CEP131: variants seen among roughly 807,000 people sequenced by gnomAD.
CEP131 encodes centrosomal protein of 131 kDa.
CEP131 carries 99 observed loss-of-function variants against 136.8 expected under a neutral mutation model. That is an observed-to-expected ratio of 0.72 (90% CI 0.62 to 0.86). The LOEUF (loss-of-function observed/expected upper bound fraction) is 0.86. Among genes scored for constraint, CEP131 ranks in the 40% least tolerant of loss-of-function variants. CEP131 has a pLI of 0.00. For missense variants in CEP131, 1,459 were observed against 1,463.0 expected (o/e 1.00, Z 0.04); for synonymous variants, 646 against 612.7 (o/e 1.05, Z -0.80).
chr17:81,202,447 C>T, intron 6 of CEP131, 49 bp from the exon 7 acceptor site: 1 of 1,580,692 alleles, frequency 6.3e-7, no homozygotes, highest in Non-Finnish European at 8.6e-7. Flanking sequence ...AGGGGAACAG[C>T]TCTGCCCACA....
Position 81,195,946 on chromosome 17 carries a change from A to T in CEP131, c.1905T>A (p.Ile635=). The part of the protein sequence containing the change: ...QRHLAFIDQL[I]EDKKVLSEKC... ...TTTCACTCAGGACCTTCTTGTCCTC[A>T]ATCAGCTGTGTTGGGGACCGGAGGT... is the stretch of plus-strand genomic sequence containing the variant. The change falls in exon 16 of 26, where the codon ATT becomes ATA. Residue 635 remains isoleucine, a synonymous_variant. Coordinates refer to ENST00000450824, the MANE Select transcript of CEP131 (RefSeq NM_014984.4). The T allele has an allele frequency of 6.2e-7, 1 of 1,609,032 alleles. No individual in the cohort carries two copies. Among genetic ancestry groups the T allele is most frequent in the African/African-American group, 1.3e-5 (1 of 75,038 alleles).
chr17:81,219,827 A>G lies in CEP131; in HGVS notation c.177+53T>C. The G allele has an allele frequency of 6.7e-7, 1 of 1,485,300 alleles. No homozygotes were observed. The highest frequency in any genetic ancestry group is 9.0e-7 in the Non-Finnish European group (1 of 1,109,376). 92.0% of individuals were successfully genotyped at this position (1,485,300 alleles called of 1,614,324 possible). ...GGACCCAGGGGTCAGATGCCAACTGAACAACAGCCCTCCAGGAGGCAGGGG... is the reference window on the plus strand; with the variant it reads ...GGACCCAGGGGTCAGATGCCAACTGGACAACAGCCCTCCAGGAGGCAGGGG... On this transcript the variant is annotated intron_variant, in intron 2 of 25. Coordinates refer to ENST00000450824, the MANE Select transcript of CEP131 (RefSeq NM_014984.4). The surrounding 1 kb of genome is among the most constrained non-coding windows in gnomAD (Gnocchi z 4.0).
intron 2 of CEP131, among the ~76,000 whole-genome samples, chr17:81,218,684 G>A (rs909891549): frequency 2.8e-4 from 43 of 152,250 alleles, no homozygotes; most frequent in Admixed American, 3.3e-4. Context: ...CCAAGGGTCC[G>A]CTACTGGCCC....
Position 81,219,296 on chromosome 17 carries a change from CT to C in CEP131, c.177+583del, listed in dbSNP as rs11382761. Among the ~76,000 whole-genome samples the C allele has an allele frequency of 2.1e-4, 27 of 131,406 alleles. No individual in the cohort carries two copies. The highest frequency in any genetic ancestry group is 2.7e-4 in the Non-Finnish European group (17 of 63,726). 86.2% of individuals were successfully genotyped at this position (131,406 alleles called of 152,430 possible). A position where few individuals can be genotyped will look rare whatever the true frequency, so the allele number is the denominator to read the frequency against. On this transcript the variant is annotated intron_variant, in intron 2 of 25. Coordinates refer to ENST00000450824, the MANE Select transcript of CEP131 (RefSeq NM_014984.4). The surrounding 1 kb of genome is among the most constrained non-coding windows in gnomAD (Gnocchi z 4.0). ...CCCCACAGGTCAACCCCATTTCTTTCTTTTTTTTTTTTTTTTGAGATGGCAT... is the reference window on the plus strand; with the variant it reads ...CCCCACAGGTCAACCCCATTTCTTTCTTTTTTTTTTTTTTTGAGATGGCAT...
intron 2 of CEP131, among the ~76,000 whole-genome samples, chr17:81,218,141 C>A (rs1434838291): frequency 6.6e-6 from 1 of 151,966 alleles, no homozygotes; most frequent in Non-Finnish European, 1.5e-5. Context: ...CGCCCGGGTT[C>A]AAGCAACTCT....
At chr17:81,222,358 C>T (rs1448688648) in intron 1 of CEP131, among the ~76,000 whole-genome samples, 1 of 152,222 alleles carries the variant, frequency 6.6e-6, no homozygotes, top group Non-Finnish European at 1.5e-5. Context: ...CAGAGCAGAG[C>T]CCTCCACTTG....
chr17:81,219,984 G>C lies in CEP131; in HGVS notation c.73C>G (p.Leu25Val). ...GGACGCCGGGACACAGGCGGAGGGA[G>C]ACCTGTCAGACTCAGGTCCACACCT... ...PAGVDLSLTG[L>V]PPPVSRRPGS... Residue 25 changes from leucine (L) to valine (V), a missense_variant, in exon 2 of 26, where the codon CTC becomes GTC. Leu to Val is a conservative substitution (Grantham distance 32). Transcript: ENST00000450824. This position sits in a 1 kb window ranked among gnomAD's most constrained non-coding sequence, Gnocchi z 4.0. 6.2e-7 allele frequency: 1 copy of C among 1,612,488 alleles called. No individual in the cohort carries two copies. Among genetic ancestry groups the C allele is most frequent in the South Asian group, 1.1e-5 (1 of 90,886 alleles).
In CEP131 at chr17:81,192,640, G is replaced by A. The variant is rs749489438; in HGVS notation, c.2430-47C>T. On this transcript the variant is annotated intron_variant, in intron 19 of 25. Coordinates refer to ENST00000450824, the MANE Select transcript of CEP131 (RefSeq NM_014984.4). Reference sequence around the variant, plus strand: ...CAGGTGAGGGGTCATCGAGTAAGGAGTCAGGGATGGGAGAGGTCAGCGGGT... The same window carrying A: ...CAGGTGAGGGGTCATCGAGTAAGGAATCAGGGATGGGAGAGGTCAGCGGGT... 3.1e-5 allele frequency: 46 copies of A among 1,489,712 alleles called. 1 individual carries two copies. In the African/African-American group the frequency reaches 3.8e-4, roughly 12 times the overall value. The allele number at this position is 1,489,712 out of a possible 1,614,324, so 92.3% of individuals were successfully genotyped here.
At position 81,190,761 on chromosome 17, in the gene CEP131, C is replaced by T. The variant is rs1288822025; in HGVS notation, c.2985G>A (p.Gln995=). 3.7e-6 allele frequency: 6 copies of T among 1,612,006 alleles called. No homozygotes were observed. Among genetic ancestry groups the T allele is most frequent in the South Asian group, 3.3e-5 (3 of 91,028 alleles). Residue 995 remains glutamine (Q), a synonymous_variant, in exon 24 of 26, where the codon CAG becomes CAA. Transcript: ENST00000450824. The stretch of plus-strand genomic sequence containing the variant: ...GGTCCTCGAACTCCTGGCGGATCAC[C>T]TGGGCCAGGTTGCTGCGCTCGCTAG... The part of the protein sequence containing the change: ...QLSSERSNLA[Q]VIRQEFEDRL...
chr17:81,214,928 A>G (rs766181626), intron 2 of CEP131, among the ~76,000 whole-genome samples: 6 of 150,294 alleles, frequency 4.0e-5, no homozygotes, highest in Middle Eastern at 3.4e-3. Context: ...GCCTGCCACC[A>G]CGCCCGGCTA....
At chr17:81,211,897 C>A (rs117771122) in intron 2 of CEP131, among the ~76,000 whole-genome samples, 3 of 143,982 alleles carry the variant, frequency 2.1e-5, no homozygotes, top group Admixed American at 7.0e-5. Context: ...AGTGTCACTG[C>A]ACTCCAACCT....
chr17:81,192,993 C>T, intron 18 of CEP131, 150 bp from the exon 19 acceptor site: 1 of 1,332,924 alleles, frequency 7.5e-7, no homozygotes, highest in South Asian at 1.5e-5. Context: ...AGTCAAGGCC[C>T]CTCAAAGCCA....
rs796803247 is a variant in CEP131 at position 81,203,545 on chromosome 17, G to A, written c.578C>T (p.Ser193Leu). 8 of 1,608,964 alleles carry A rather than the reference G, an allele frequency of 5.0e-6. No homozygotes were observed. The highest frequency in any genetic ancestry group is 4.4e-5 in the South Asian group (4 of 89,996). ...GCTCTTGAGCGGAGGCGCCCTCTCC[G>A]AGGGGGTGTAGCGGTTGTGCACCAT... Reference protein sequence around the residue: ...TTMVHNRYTPSERAPPLKSSN... With the variant: ...TTMVHNRYTPLERAPPLKSSN... The change falls in exon 6 of 26, where the codon TCG (serine) becomes TTG (leucine). Residue 193 changes from serine to leucine, a missense_variant. By Grantham distance (145) the Ser-to-Leu change is moderately radical. Transcript: ENST00000450824. The surrounding 1 kb of genome is among the most constrained non-coding windows in gnomAD (Gnocchi z 4.6).
chr17:81,194,117 G>T lies in CEP131; in HGVS notation c.2130C>A (p.Pro710=). ...GCCTTGCAATCAGCTTCTGGATCTC[G>T]GGCTCCAGACCTGGGGGCGGGGCAC... ...IKEVTVRGLE[P]EIQKLIARHK... The change falls in exon 18 of 26, where the codon CCC becomes CCA. Residue 710 remains proline (P), a synonymous_variant. Coordinates refer to ENST00000450824, the MANE Select transcript of CEP131 (RefSeq NM_014984.4). The T allele has an allele frequency of 1.3e-6, 2 of 1,537,168 alleles. No homozygotes were observed. Among genetic ancestry groups the T allele is most frequent in the Non-Finnish European group, 1.7e-6 (2 of 1,143,330 alleles).
At chr17:81,190,018 A>G (rs766159078) in intron 24 of CEP131, 43 bp from the exon 25 acceptor site, 5 of 1,553,550 alleles carry the variant, frequency 3.2e-6, no homozygotes, top group Admixed American at 3.6e-5. Flanking sequence ...CCCCCGCCCC[A>G]TGTCCCCAGA....
intron 8 of CEP131, 41 bp downstream of exon 8, chr17:81,200,288 C>G: frequency 6.7e-7 from 1 of 1,495,614 alleles, no homozygotes; most frequent in Non-Finnish European, 9.2e-7. Context: ...TGGGCCAGAC[C>G]CCCCGGGGGA....
Position 81,190,908 on chromosome 17 carries a change from G to C in CEP131, c.2942C>G (p.Ala981Gly). The stretch of plus-strand genomic sequence containing the variant: ...CCCACCTGACACCCGCCCACTCACC[G>C]CCTGCGCATCCTCCAGCGCCCGCTC... The part of the protein sequence containing the change: ...QKERALEDAQ[A>G]VNEQLSSERS... Residue 981 changes from alanine to glycine, a missense_variant and splice_region_variant, in exon 23 of 26, where the codon GCG becomes GGG. Coordinates refer to ENST00000450824, the MANE Select transcript of CEP131 (RefSeq NM_014984.4). The C allele has an allele frequency of 6.2e-7, 1 of 1,602,666 alleles. No individual in the cohort carries two copies. The highest frequency in any genetic ancestry group is 8.5e-7 in the Non-Finnish European group (1 of 1,177,684).
intron 2 of CEP131, among the ~76,000 whole-genome samples, chr17:81,218,898 C>A (rs934105852): frequency 3.9e-5 from 6 of 152,258 alleles, no homozygotes; most frequent in Non-Finnish European, 7.3e-5. Context: ...CTTCTCTCTG[C>A]CCTGCTATGT....
At chr17:81,191,113 C>G in intron 22 of CEP131, 29 bp from the exon 23 acceptor site, 2 of 1,602,562 alleles carry the variant, frequency 1.2e-6, no homozygotes, top group Non-Finnish European at 1.7e-6. Flanking sequence ...CAGGGTCACT[C>G]CAGCCCAGTC....
Sources: allele counts gnomAD v4.1 joint callset (sites outside exome capture counted in the v4.1 genomes callset), GRCh38; gene constraint gnomAD v4.1.1; non-coding constraint Gnocchi (gnomAD v3.1); transcripts MANE v1.5; gene names NCBI Gene and HGNC (gene_info 2026-07-23, HGNC 2026-07-21).